Variants in DHX35 observed in about 807,000 individuals in gnomAD.
The protein encoded by DHX35 is DEAH-box helicase 35.
Under a neutral mutation model 99.6 loss-of-function variants are expected in DHX35, and 84 were observed. The ratio of observed to expected loss-of-function variants is 0.84; its 90% confidence interval spans 0.71 to 1.01. The LOEUF is 1.01. Ranked by LOEUF, DHX35 falls within the 50% of genes least tolerant of loss-of-function variation. The probability of loss-of-function intolerance (pLI) is 0.00; values close to 1 mark genes in which losing one functional copy is unlikely to be tolerated. For missense variants in DHX35, 852 were observed against 888.5 expected (o/e 0.96, Z 0.52); for synonymous variants, 331 against 316.2 (o/e 1.05, Z -0.50).
chr20:39,016,059 GGGTCAC>G (rs1466711026), intron 14 of DHX35, among the ~76,000 whole-genome samples: 1 of 152,126 alleles, frequency 6.6e-6, no homozygotes, highest in Non-Finnish European at 1.5e-5. Flanking sequence ...AGGTTTATTT[GGGTCAC>G]GATTCAGGTG....
At chr20:38,973,579 G>A (rs554505890) in intron 3 of DHX35, among the ~76,000 whole-genome samples, 103 of 152,324 alleles carry the variant, frequency 6.8e-4, no homozygotes, top group African/African-American at 2.5e-3. Context: ...ATTTTATAAA[G>A]GAATAATATA....
At chr20:39,020,826 G>C (rs925470002) in intron 15 of DHX35, among the ~76,000 whole-genome samples, 2 of 152,026 alleles carry the variant, frequency 1.3e-5, no homozygotes, top group Admixed American at 1.3e-4. Context: ...ACCATGCCCA[G>C]CTAATTTTGT....
chr20:38,999,155 G>A (rs2086477735), intron 8 of DHX35, among the ~76,000 whole-genome samples: 1 of 152,024 alleles, frequency 6.6e-6, no homozygotes, highest in Admixed American at 6.6e-5. Flanking sequence ...TAACGGTAAG[G>A]TTTAGGCATC....
At chr20:39,004,832 G>A (rs565096481) in intron 11 of DHX35, among the ~76,000 whole-genome samples, 14 of 152,164 alleles carry the variant, frequency 9.2e-5, no homozygotes, top group Non-Finnish European at 8.8e-5. Context: ...GAGCAGGTGA[G>A]GGATGGTCTG....
At chr20:39,025,179 A>T (rs1347863947) in intron 17 of DHX35, 51 bp from the exon 18 acceptor site, 2 of 1,560,712 alleles carry the variant, frequency 1.3e-6, no homozygotes, top group Non-Finnish European at 1.7e-6. Context: ...ACATAGCCTT[A>T]GTCGAGAACA....
chr20:39,007,554 T>C (rs144338246), intron 12 of DHX35, among the ~76,000 whole-genome samples: 1 of 152,358 alleles, frequency 6.6e-6, no homozygotes, highest in East Asian at 1.9e-4. Context: ...AAGCTGGTGT[T>C]ATCCTTCTGG....
At chr20:39,036,590 G>T (rs962503198) in intron 21 of DHX35, among the ~76,000 whole-genome samples, 1 of 151,808 alleles carries the variant, frequency 6.6e-6, no homozygotes, top group African/African-American at 2.4e-5. Context: ...GCCGGGCATG[G>T]TGGCATGTGC....
At chr20:39,025,804 T>C (rs1050074297) in intron 18 of DHX35, among the ~76,000 whole-genome samples, 2 of 152,220 alleles carry the variant, frequency 1.3e-5, no homozygotes, top group Non-Finnish European at 2.9e-5. Flanking sequence ...GACAGAAAAG[T>C]ACTATGTAAG....
intron 9 of DHX35, 128 bp from the exon 10 acceptor site, chr20:39,002,644 C>T: frequency 6.3e-6 from 4 of 634,048 alleles, no homozygotes; most frequent in South Asian, 2.1e-5. Flanking sequence ...TTTGTTTATC[C>T]TGTACTAATT....
At chr20:39,005,896 G>A (rs1173732621) in intron 11 of DHX35, among the ~76,000 whole-genome samples, 4 of 152,038 alleles carry the variant, frequency 2.6e-5, no homozygotes, top group African/African-American at 9.7e-5. Context: ...TAGGGGAGGT[G>A]GTAAATCTTA....
At chr20:39,014,691 A>G (rs983579583) in intron 13 of DHX35, among the ~76,000 whole-genome samples, 189 bp from the exon 14 acceptor site, 4 of 152,202 alleles carry the variant, frequency 2.6e-5, no homozygotes, top group African/African-American at 9.7e-5. Flanking sequence ...TTAAAGGCCA[A>G]GCAGTACAAG....
At chr20:39,010,492 T>C (rs2086685773) in intron 13 of DHX35, 88 bp downstream of exon 13, 1 of 1,530,110 alleles carries the variant, frequency 6.5e-7, no homozygotes, top group Non-Finnish European at 8.8e-7. Flanking sequence ...ATGCCATCTT[T>C]CCTTTTTTTC....
intron 3 of DHX35, chr20:38,977,571 G>A (rs2145847741): frequency 3.5e-6 from 1 of 287,658 alleles, no homozygotes; most frequent in South Asian, 4.0e-5. Flanking sequence ...ACCAAGCAAA[G>A]GGTGGAGTTC....
At chr20:39,022,018 C>A in intron 16 of DHX35, 83 bp downstream of exon 16, 1 of 1,341,066 alleles carries the variant, frequency 7.5e-7, no homozygotes, top group Non-Finnish European at 1.1e-6. Flanking sequence ...TCAGGAACTG[C>A]TGAAGACAGA....
chr20:39,032,581 G>A (rs942349124), intron 20 of DHX35, among the ~76,000 whole-genome samples: 4 of 152,128 alleles, frequency 2.6e-5, no homozygotes, highest in East Asian at 1.9e-4. Flanking sequence ...AGAAGATAGC[G>A]GTAGATTTGA....
intron 7 of DHX35, among the ~76,000 whole-genome samples, chr20:38,993,021 A>G (rs1205614179): frequency 1.3e-5 from 2 of 152,298 alleles, no homozygotes; most frequent in South Asian, 2.1e-4. Flanking sequence ...CTCACAGCCA[A>G]TCTTGTTTCA....
chr20:39,005,986 G>T (rs2145903591), intron 11 of DHX35, among the ~76,000 whole-genome samples, 160 bp from the exon 12 acceptor site: 1 of 152,170 alleles, frequency 6.6e-6, no homozygotes, highest in South Asian at 2.1e-4. Flanking sequence ...CAAACCCAGG[G>T]CACCCCCTGA....
In DHX35 at chr20:39,023,848, C is replaced by T. The variant is rs1678222939; in HGVS notation, c.1671+81C>T. On this transcript the variant is annotated intron_variant, in intron 17 of 21. Coordinates refer to ENST00000252011, the MANE Select transcript of DHX35 (RefSeq NM_021931.4). Reference sequence around the variant, plus strand: ...TCTAGGAGGGAGGATCCCAGAAGTTCAGTTCGTAAAGGAATGTCCAAGAGA... The same window carrying T: ...TCTAGGAGGGAGGATCCCAGAAGTTTAGTTCGTAAAGGAATGTCCAAGAGA... 3 of 1,224,736 alleles carry T rather than the reference C, an allele frequency of 2.4e-6. No individual in the cohort carries two copies. In the Admixed American group the frequency reaches 5.5e-5, roughly 22 times the overall value. The allele number at this position is 1,224,736 out of a possible 1,614,324, so 75.9% of individuals were successfully genotyped here. A position where few individuals can be genotyped will look rare whatever the true frequency, so the allele number is the denominator to read the frequency against.
chr20:38,977,805 C>A, intron 3 of DHX35: 3 of 520,754 alleles, frequency 5.8e-6, no homozygotes, highest in South Asian at 4.6e-5. Context: ...TCCTTTTGAT[C>A]TTGGTGTTGG....
Sources: allele counts gnomAD v4.1 joint callset (sites outside exome capture counted in the v4.1 genomes callset), GRCh38; gene constraint gnomAD v4.1.1; transcripts MANE v1.5; gene names NCBI Gene and HGNC (gene_info 2026-07-23, HGNC 2026-07-21).